GTF2F2: variants seen among roughly 807,000 people sequenced by gnomAD.
The protein encoded by GTF2F2 is ATP-dependent helicase GTF2F2.
In GTF2F2, 23 loss-of-function variants were observed where a neutral mutation model predicts 42.2. The observed-to-expected ratio is 0.55, with a 90% CI of 0.39 to 0.77. GTF2F2 has a LOEUF of 0.77. GTF2F2 is among the 30% of genes least tolerant of loss of function. The pLI is 0.00. For missense variants in GTF2F2, 261 were observed against 287.2 expected, an observed-to-expected ratio of 0.91 and a Z score of 0.66; for synonymous variants, 105 against 100.8, an observed-to-expected ratio of 1.04 and a Z score of -0.25.
intron 2 of GTF2F2, among the ~76,000 whole-genome samples, chr13:45,138,909 G>A (rs1468164812): frequency 6.6e-6 from 1 of 152,202 alleles, no homozygotes; most frequent in Non-Finnish European, 1.5e-5. Flanking sequence ...GCCTCCTAAA[G>A]TGCTGGGATT....
At chr13:45,250,246 G>C (rs558576637) in intron 5 of GTF2F2, among the ~76,000 whole-genome samples, 47 of 151,428 alleles carry the variant, frequency 3.1e-4, no homozygotes, top group Non-Finnish European at 5.6e-4. Flanking sequence ...ATAGAGACAG[G>C]GTTTCACCAT....
intron 1 of GTF2F2, among the ~76,000 whole-genome samples, chr13:45,132,175 G>A (rs755450328): frequency 6.6e-6 from 1 of 152,144 alleles, no homozygotes; most frequent in Non-Finnish European, 1.5e-5. Flanking sequence ...GGGCTTAGTA[G>A]TTTAAAACAA....
At chr13:45,238,682 C>T (rs1320030628) in intron 5 of GTF2F2, among the ~76,000 whole-genome samples, 1 of 151,674 alleles carries the variant, frequency 6.6e-6, no homozygotes, top group Non-Finnish European at 1.5e-5. Context: ...CAGTGGCTCA[C>T]GCCTGTAATC....
At chr13:45,212,525 TCTCTCTTTCTCA>T in intron 5 of GTF2F2, among the ~76,000 whole-genome samples, 1 of 137,650 alleles carries the variant, frequency 7.3e-6, no homozygotes, top group Non-Finnish European at 1.6e-5. Context: ...TCTTTCTCTT[TCTCTCTTTCTCA>T]CTTTCTCTCT....
chr13:45,126,669 G>C (rs561961474), intron 1 of GTF2F2, among the ~76,000 whole-genome samples: 5,327 of 152,126 alleles, frequency 0.035, 272 homozygotes, highest in African/African-American at 0.12. Context: ...AACGGACATG[G>C]TATATATACT....
At chr13:45,208,099 A>G (rs1194732735) in intron 5 of GTF2F2, among the ~76,000 whole-genome samples, 1 of 151,644 alleles carries the variant, frequency 6.6e-6, no homozygotes, top group Non-Finnish European at 1.5e-5. Context: ...ACTCCAGCCT[A>G]GGTGACCCAG....
intron 5 of GTF2F2, among the ~76,000 whole-genome samples, chr13:45,239,091 CA>C (rs1283146444): frequency 6.6e-6 from 1 of 152,030 alleles, no homozygotes; most frequent in Non-Finnish European, 1.5e-5. Context: ...TCATGAGAAG[CA>C]GTTGTTAGGT....
At chr13:45,136,863 G>A (rs542389768) in intron 2 of GTF2F2, 57 bp downstream of exon 2, 4 of 935,096 alleles carry the variant, frequency 4.3e-6, no homozygotes, top group Non-Finnish European at 7.0e-6. Flanking sequence ...ATTTTTATAA[G>A]TGCTTTTAAA....
intron 4 of GTF2F2, chr13:45,194,845 A>G: frequency 4.7e-6 from 2 of 422,642 alleles, no homozygotes; most frequent in Non-Finnish European, 4.2e-6. Flanking sequence ...CTTTGAAGTA[A>G]TAAGAGTTAC....
intron 4 of GTF2F2, among the ~76,000 whole-genome samples, chr13:45,153,317 C>T (rs941611042): frequency 2.6e-5 from 4 of 151,906 alleles, no homozygotes; most frequent in East Asian, 1.9e-4. Flanking sequence ...CGGGCCCGGC[C>T]GAATTTTTTT....
At chr13:45,152,246 A>G (rs2138120857) in intron 4 of GTF2F2, among the ~76,000 whole-genome samples, 1 of 152,214 alleles carries the variant, frequency 6.6e-6, no homozygotes, top group Middle Eastern at 3.4e-3. Flanking sequence ...CATTACCAAT[A>G]CTGTTCCATC....
intron 6 of GTF2F2, among the ~76,000 whole-genome samples, chr13:45,255,581 A>G (rs1876070662): frequency 6.6e-6 from 1 of 152,238 alleles, no homozygotes; most frequent in Non-Finnish European, 1.5e-5. Context: ...TGACTTAGAT[A>G]AATAGATTAA....
At position 45,173,742 on chromosome 13, in the gene GTF2F2, C is replaced by T. The variant is rs558775127; in HGVS notation, c.304+21911C>T. Among the ~76,000 whole-genome samples the T allele has an allele frequency of 2.0e-5, 3 of 151,312 alleles. No homozygotes were observed. The South Asian group carries it at 6.3e-4, about 32-fold the overall frequency. ...ACACCATTCTCCTGCCTCAGCCCCCCGAGTAGCTGGGACTACAGGCGCCCG... is the reference window on the plus strand; with the variant it reads ...ACACCATTCTCCTGCCTCAGCCCCCTGAGTAGCTGGGACTACAGGCGCCCG... On this transcript the variant is annotated intron_variant, in intron 4 of 7. Transcript: ENST00000340473.
chr13:45,136,857 T>G, intron 2 of GTF2F2, 51 bp downstream of exon 2: 1 of 949,066 alleles, frequency 1.1e-6, no homozygotes, highest in Non-Finnish European at 1.7e-6. Flanking sequence ...TTTGAAATTT[T>G]TATAAGTGCT....
At chr13:45,242,043 C>G (rs1280436326) in intron 5 of GTF2F2, among the ~76,000 whole-genome samples, 2 of 152,150 alleles carry the variant, frequency 1.3e-5, no homozygotes, top group Non-Finnish European at 2.9e-5. Flanking sequence ...AGATTCACTT[C>G]TAATAGATTG....
chr13:45,255,523 C>T (rs1202482491), intron 6 of GTF2F2, among the ~76,000 whole-genome samples: 2 of 152,150 alleles, frequency 1.3e-5, no homozygotes, highest in Non-Finnish European at 2.9e-5. Flanking sequence ...AACTAAAGGA[C>T]AGGTAAGGTT....
intron 5 of GTF2F2, among the ~76,000 whole-genome samples, chr13:45,227,093 T>C (rs1399163872): frequency 6.6e-6 from 1 of 152,152 alleles, no homozygotes; most frequent in East Asian, 1.9e-4. Flanking sequence ...GAGTGAGACC[T>C]TGTCTCAAAA....
rs114555474 is a variant in GTF2F2, at chr13:45,201,968, C to T, written c.305-5456C>T. Among the ~76,000 whole-genome samples, 1,144 of 152,050 alleles carry T rather than the reference C, an allele frequency of 7.5e-3. 13 individuals are homozygous for T. The highest frequency in any genetic ancestry group is 0.026 in the African/African-American group (1,085 of 41,408). ...TAGTTGAACATTTCAAGCACAAGAG[C>T]GAGCAAGCACAGACACACAGAGGCC... On this transcript the variant is annotated intron_variant, in intron 4 of 7. Transcript: ENST00000340473.
intron 6 of GTF2F2, among the ~76,000 whole-genome samples, chr13:45,264,848 T>C (rs540377276): frequency 6.6e-6 from 1 of 152,338 alleles, no homozygotes; most frequent in South Asian, 2.1e-4. Flanking sequence ...CCAGTGGGCT[T>C]ATTTGAAAAC....
Sources: allele counts gnomAD v4.1 joint callset (sites outside exome capture counted in the v4.1 genomes callset), GRCh38; gene constraint gnomAD v4.1.1; transcripts MANE v1.5; gene names NCBI Gene and HGNC (gene_info 2026-07-23, HGNC 2026-07-21).